The following ATOSA variants were observed in gnomAD, a reference collection of about 807,000 sequenced individuals.
The protein encoded by ATOSA is atos homolog protein A.
At chr15:52,667,021 C>G in the ATOSA span, among the ~76,000 whole-genome samples, 5 of 151,704 alleles carry the variant, frequency 3.3e-5, no homozygotes, top group Non-Finnish European at 5.9e-5. Context: ...CCCAAAGTGT[C>G]AAATGTGCTT....
chr15:52,693,238 G>A, the ATOSA span, among the ~76,000 whole-genome samples: 1 of 152,060 alleles, frequency 6.6e-6, no homozygotes, highest in Non-Finnish European at 1.5e-5. Context: ...TGGCCAACAT[G>A]GAGAAACCCT....
At chr15:52,637,585 G>A in the ATOSA span, among the ~76,000 whole-genome samples, 1 of 151,992 alleles carries the variant, frequency 6.6e-6, no homozygotes, top group South Asian at 2.1e-4. Flanking sequence ...TCTTTCACTG[G>A]TCTCTCTGCA....
the ATOSA span, among the ~76,000 whole-genome samples, chr15:52,695,657 A>G: frequency 2.0e-5 from 3 of 152,238 alleles, no homozygotes; most frequent in African/African-American, 7.2e-5. Flanking sequence ...GGGACAATAA[A>G]TGAATAAATG....
At chr15:52,584,862 G>A in the ATOSA span, 1 of 1,613,424 alleles carries the variant, frequency 6.2e-7, no homozygotes, top group South Asian at 1.1e-5. Context: ...TCGTAGGAAT[G>A]TCTGATGATT....
chr15:52,595,476 T>C, the ATOSA span, among the ~76,000 whole-genome samples: 2 of 152,090 alleles, frequency 1.3e-5, no homozygotes, highest in South Asian at 4.1e-4. Flanking sequence ...TTATCTGAGA[T>C]ATTTTAGATT....
At chr15:52,603,159 T>G in the ATOSA span, among the ~76,000 whole-genome samples, 2 of 152,086 alleles carry the variant, frequency 1.3e-5, no homozygotes, top group Non-Finnish European at 2.9e-5. Context: ...TATTTTAAAA[T>G]GGACAAAAAA....
At chr15:52,600,312 T>G in the ATOSA span, 2 of 846,430 alleles carry the variant, frequency 2.4e-6, no homozygotes, top group Non-Finnish European at 3.8e-6. Context: ...AGGGTCTCAC[T>G]CTGTCACCCA....
At chr15:52,660,756 A>G in the ATOSA span, among the ~76,000 whole-genome samples, 2 of 152,054 alleles carry the variant, frequency 1.3e-5, no homozygotes, top group Admixed American at 1.3e-4. Flanking sequence ...GGTTCAAGCA[A>G]TTCTCCTGCC....
At chr15:52,679,781 TCCTCCTCCTCCTC>T in the ATOSA span, among the ~76,000 whole-genome samples, 1 of 86,180 alleles carries the variant, frequency 1.2e-5, no homozygotes, top group African/African-American at 5.1e-5. Flanking sequence ...CTCCTCCTCC[TCCTCCTCCTCCTC>T]CCCCCTCCCC....
At chr15:52,638,911 A>C in the ATOSA span, among the ~76,000 whole-genome samples, 2 of 152,096 alleles carry the variant, frequency 1.3e-5, no homozygotes, top group Non-Finnish European at 2.9e-5. Context: ...AGTTTTAAAA[A>C]GTAAAAAATG....
the ATOSA span, among the ~76,000 whole-genome samples, chr15:52,650,904 T>A: frequency 6.6e-6 from 1 of 152,206 alleles, no homozygotes; most frequent in African/African-American, 2.4e-5. Flanking sequence ...ATTAGCTAAA[T>A]CACATATGTA....
the ATOSA span, among the ~76,000 whole-genome samples, chr15:52,663,451 T>C: frequency 6.2e-4 from 95 of 152,320 alleles, no homozygotes; most frequent in African/African-American, 2.2e-3. Flanking sequence ...TCAGAGGTCA[T>C]ACCACAGAAT....
At chr15:52,666,047 C>T in the ATOSA span, among the ~76,000 whole-genome samples, 2 of 152,102 alleles carry the variant, frequency 1.3e-5, no homozygotes, top group Non-Finnish European at 2.9e-5. Flanking sequence ...CCCTGGCACC[C>T]AAAACATGAA....
At chr15:52,688,268 C>T in the ATOSA span, among the ~76,000 whole-genome samples, 1 of 152,178 alleles carries the variant, frequency 6.6e-6, no homozygotes, top group Non-Finnish European at 1.5e-5. Flanking sequence ...AGAAAGATTG[C>T]TTCAACAACA....
the ATOSA span, chr15:52,611,648 C>A: frequency 5.0e-6 from 8 of 1,613,898 alleles, no homozygotes; most frequent in Admixed American, 6.7e-5. Context: ...TCATTTAGAT[C>A]AATTCCCTCT....
At chr15:52,694,355 AG>A in the ATOSA span, among the ~76,000 whole-genome samples, 1 of 151,952 alleles carries the variant, frequency 6.6e-6, no homozygotes, top group South Asian at 2.1e-4. Flanking sequence ...TAGTAGAGAC[AG>A]GGTTTCTCCA....
chr15:52,638,652 G>C, the ATOSA span, among the ~76,000 whole-genome samples: 4 of 139,500 alleles, frequency 2.9e-5, no homozygotes, highest in African/African-American at 1.1e-4. Flanking sequence ...AGTGAGTTAA[G>C]ATCGCACCAC....
the ATOSA span, among the ~76,000 whole-genome samples, chr15:52,672,512 A>C: frequency 6.6e-6 from 1 of 152,182 alleles, no homozygotes; most frequent in Non-Finnish European, 1.5e-5. Flanking sequence ...AAAAAAAAAA[A>C]AACCAGTATT....
chr15:52,641,691 G>C, the ATOSA span, among the ~76,000 whole-genome samples: 1 of 152,172 alleles, frequency 6.6e-6, no homozygotes. Flanking sequence ...TCAATTATTT[G>C]AGATGGAAAA....
Sources: allele counts gnomAD v4.1 joint callset (sites outside exome capture counted in the v4.1 genomes callset), GRCh38; gene constraint gnomAD v4.1.1; transcripts MANE v1.5; gene names NCBI Gene and HGNC (gene_info 2026-07-23, HGNC 2026-07-21).